The following R3HCC1 variants were observed in gnomAD, a reference collection of about 807,000 sequenced individuals.
R3HCC1 encodes R3H and coiled-coil domain-containing protein 1.
Under a neutral mutation model 40.0 loss-of-function variants are expected in R3HCC1, and 32 were observed. The observed-to-expected ratio is 0.80, with a 90% CI of 0.60 to 1.07. The LOEUF is 1.07. R3HCC1 is among the 50% of genes least tolerant of loss of function. The probability of loss-of-function intolerance (pLI) is 0.00; values close to 1 mark genes in which losing one functional copy is unlikely to be tolerated. For synonymous variants in R3HCC1, 237 were observed against 232.8 expected (o/e 1.02, Z -0.17); for missense variants, 586 against 563.3 (o/e 1.04, Z -0.41).
chr8:23,295,064 AG>A (rs1169971333), intron 7 of R3HCC1, among the ~76,000 whole-genome samples, 200 bp downstream of exon 7: 3 of 151,808 alleles, frequency 2.0e-5, no homozygotes, highest in African/African-American at 7.3e-5. Context: ...TAGCAGGCCT[AG>A]GGGGGGTCTG....
rs777246680 is a variant in R3HCC1, at chr8:23,288,657, G to A, written c.110+24G>A. 18 of 1,533,716 alleles carry A rather than the reference G, an allele frequency of 1.2e-5. No individual in the cohort carries two copies. In the South Asian group the frequency reaches 2.1e-4, roughly 18 times the overall value. On this transcript the variant is annotated intron_variant, in intron 2 of 7. Transcript: ENST00000265806. Reference sequence around the variant, plus strand: ...AAGTAGGCTCATGTGAGGGGCGAGGGTGCCGCCTTGCTGGGAAGGGCAGGG... The same window carrying A: ...AAGTAGGCTCATGTGAGGGGCGAGGATGCCGCCTTGCTGGGAAGGGCAGGG...
In R3HCC1 at chr8:23,291,544, G is replaced by C; in HGVS notation, c.1025+11G>C. 1 of 1,549,844 alleles carries C rather than the reference G, an allele frequency of 6.5e-7. No homozygotes were observed. The highest frequency in any genetic ancestry group is 8.7e-7 in the Non-Finnish European group (1 of 1,146,492). On this transcript the variant is annotated intron_variant, in intron 5 of 7. Transcript: ENST00000265806. ...GTTTTCTGAGTTCCAGTGAGTGGTG[G>C]CTGGGGAGGTGCTGCCTTCAGAGAG...
chr8:23,291,252 C>G (rs1802859847), intron 4 of R3HCC1, 109 bp from the exon 5 acceptor site: 1 of 1,433,672 alleles, frequency 7.0e-7, no homozygotes. Flanking sequence ...CTTTCCCAGA[C>G]TTTTGCCAGG....
At position 23,288,146 on chromosome 8, in the gene R3HCC1, C is replaced by A. The variant is rs1033566808; in HGVS notation, c.-30C>A. On this transcript the variant is annotated 5_prime_UTR_variant, in exon 1 of 8. Transcript: ENST00000265806. ...GACGCCGAGGGCGGCTGCGACGCGC[C>A]GAGAGGCCGCGGTGAGTGCAGCAGC... 3.2e-6 allele frequency: 4 copies of A among 1,248,376 alleles called. No individual in the cohort carries two copies. The highest frequency in any genetic ancestry group is 1.6e-5 in the African/African-American group (1 of 63,804). The allele number at this position is 1,248,376 out of a possible 1,614,324, so 77.3% of individuals were successfully genotyped here.
intron 6 of R3HCC1, among the ~76,000 whole-genome samples, chr8:23,294,167 A>T (rs1437562923): frequency 1.3e-5 from 2 of 152,114 alleles, no homozygotes; most frequent in African/African-American, 4.8e-5. Flanking sequence ...GATTGTGGAA[A>T]GGAAGGCAGG....
chr8:23,289,249 G>A, intron 3 of R3HCC1, 96 bp downstream of exon 3: 1 of 1,377,204 alleles, frequency 7.3e-7, no homozygotes, highest in Non-Finnish European at 9.7e-7. Context: ...GGGGGAACCA[G>A]GGCTGGGACC....
At chr8:23,295,404 C>T in intron 7 of R3HCC1, 1 of 453,794 alleles carries the variant, frequency 2.2e-6, no homozygotes, top group South Asian at 1.6e-5. Flanking sequence ...CCTGAGGGCA[C>T]ATAGAAGGTA....
Position 23,294,869 on chromosome 8 carries a change from G to A in R3HCC1, c.1192+5G>A. On this transcript the variant is annotated splice_donor_5th_base_variant and intron_variant, in intron 7 of 7. Transcript: ENST00000265806. Reference sequence around the variant, plus strand: ...TCAAAGCCTTGCAGAGGCCAAGTAAGGAAAGCGCATGTCCCTGAATAGGGA... The same window carrying A: ...TCAAAGCCTTGCAGAGGCCAAGTAAAGAAAGCGCATGTCCCTGAATAGGGA... 11 of 1,546,252 alleles carry A rather than the reference G, an allele frequency of 7.1e-6. No homozygotes were observed. The highest frequency in any genetic ancestry group is 1.2e-5 in the South Asian group (1 of 83,980).
intron 3 of R3HCC1, among the ~76,000 whole-genome samples, chr8:23,289,491 G>A (rs1452706424): frequency 1.3e-5 from 2 of 152,120 alleles, no homozygotes; most frequent in African/African-American, 4.8e-5. Context: ...GCTGGGCTTC[G>A]GTCCCCTCTG....
At chr8:23,295,936 T>C in intron 7 of R3HCC1, 31 bp from the exon 8 acceptor site, 1 of 1,532,430 alleles carries the variant, frequency 6.5e-7, no homozygotes, top group Non-Finnish European at 8.8e-7. Flanking sequence ...GACCTTGTGT[T>C]TAGGTCCCCA....
chr8:23,291,299 G>A, intron 4 of R3HCC1, 62 bp from the exon 5 acceptor site: 1 of 1,518,880 alleles, frequency 6.6e-7, no homozygotes, highest in Non-Finnish European at 8.9e-7. Context: ...CAGCGCGTGG[G>A]CTAGTGGTTT....
Position 23,291,358 on chromosome 8 carries a change from T to C in R3HCC1, c.853-3T>C. The C allele has an allele frequency of 1.3e-6, 2 of 1,551,600 alleles. No individual in the cohort carries two copies. Among genetic ancestry groups the C allele is most frequent in the South Asian group, 2.4e-5 (2 of 84,056 alleles). On this transcript the variant is annotated splice_polypyrimidine_tract_variant and splice_region_variant and intron_variant, in intron 4 of 7. Coordinates refer to ENST00000265806, the MANE Select transcript of R3HCC1 (RefSeq NM_001136108.3). ...CCCTTGCTAAGGGTCCGATCTCTCC[T>C]AGATCACAGACAACCTGACGAAGAA...
chr8:23,294,916 T>C (rs1802962050), intron 7 of R3HCC1, 52 bp downstream of exon 7: 3 of 1,267,676 alleles, frequency 2.4e-6, no homozygotes, highest in Non-Finnish European at 3.4e-6. Flanking sequence ...TGTGTGTGCG[T>C]GCGAGCATGT....
chr8:23,295,117 G>A (rs530776327), intron 7 of R3HCC1, among the ~76,000 whole-genome samples: 59 of 152,234 alleles, frequency 3.9e-4, no homozygotes, highest in African/African-American at 1.3e-3. Flanking sequence ...GCCAGCTGCT[G>A]TGCAGGGAGG....
At chr8:23,288,406 C>A in intron 1 of R3HCC1, 100 bp from the exon 2 acceptor site, 1 of 1,467,302 alleles carries the variant, frequency 6.8e-7, no homozygotes, top group South Asian at 1.2e-5. Context: ...GAGCCTTGGA[C>A]CAGAGGGTTT....
At chr8:23,292,061 T>G (rs1224426675) in intron 5 of R3HCC1, among the ~76,000 whole-genome samples, 1 of 152,204 alleles carries the variant, frequency 6.6e-6, no homozygotes, top group Non-Finnish European at 1.5e-5. Context: ...TTCCTTCTTT[T>G]TTCTTTTCCT....
At chr8:23,294,923 A>ATGTG (rs371962059) in intron 7 of R3HCC1, 59 bp downstream of exon 7, 16 of 1,215,124 alleles carry the variant, frequency 1.3e-5, no homozygotes, top group Non-Finnish European at 1.7e-5. Flanking sequence ...GCGTGCGAGC[A>ATGTG]TGTGTGTGTG....
chr8:23,291,864 C>T (rs1216890459), intron 5 of R3HCC1, among the ~76,000 whole-genome samples: 1 of 152,178 alleles, frequency 6.6e-6, no homozygotes, highest in African/African-American at 2.4e-5. Flanking sequence ...TGCCTGCCTC[C>T]CAGCGGCTGC....
chr8:23,292,717 C>T (rs1427149950), intron 5 of R3HCC1, among the ~76,000 whole-genome samples: 1 of 152,242 alleles, frequency 6.6e-6, no homozygotes, highest in Non-Finnish European at 1.5e-5. Flanking sequence ...AGCAGGAGAG[C>T]CGAAGGGGTG....
Sources: allele counts gnomAD v4.1 joint callset (sites outside exome capture counted in the v4.1 genomes callset), GRCh38; gene constraint gnomAD v4.1.1; transcripts MANE v1.5; gene names NCBI Gene and HGNC (gene_info 2026-07-23, HGNC 2026-07-21).